TMEM132B: variants seen among roughly 807,000 people sequenced by gnomAD.
TMEM132B encodes the protein transmembrane protein 132B.
TMEM132B carries 18 observed loss-of-function variants against 90.8 expected under a neutral mutation model. The ratio of observed to expected loss-of-function variants is 0.20; its 90% CI spans 0.14 to 0.29. TMEM132B has a LOEUF of 0.29. Among genes scored for constraint, TMEM132B ranks in the 10% least tolerant of loss-of-function variants. The probability of loss-of-function intolerance (pLI) is 1.00; values close to 1 mark genes in which losing one functional copy is unlikely to be tolerated. For synonymous variants in TMEM132B, 504 were observed against 523.3 expected (o/e 0.96, Z 0.50); for missense variants, 1,096 against 1,326.8 (o/e 0.83, Z 2.70).
chr12:125,303,077 C>T (rs1014131808), intron 1 of TMEM132B, among the ~76,000 whole-genome samples: 3 of 151,834 alleles, frequency 2.0e-5, no homozygotes, highest in Non-Finnish European at 4.4e-5. Context: ...AGCCTGGGGA[C>T]AGAGCGAGAC....
intron 1 of TMEM132B, among the ~76,000 whole-genome samples, chr12:125,288,462 CAAA>C (rs11423298): frequency 1.9e-5 from 2 of 102,948 alleles, no homozygotes; most frequent in Non-Finnish European, 1.9e-5. Context: ...GACTCCATCT[CAAA>C]AAAAAAAAAA....
intron 1 of TMEM132B, among the ~76,000 whole-genome samples, chr12:125,218,538 G>A (rs1325963092): frequency 6.6e-6 from 1 of 152,088 alleles, no homozygotes; most frequent in Non-Finnish European, 1.5e-5. Flanking sequence ...GGGTAGGAGG[G>A]AAGAAACCCC....
rs894423734 is a variant in TMEM132B at position 125,625,234 on chromosome 12, G to A, written c.1438-18842G>A. Among the ~76,000 whole-genome samples, 6 of 145,652 alleles carry A rather than the reference G, an allele frequency of 4.1e-5. No individual in the cohort carries two copies. In the East Asian group the frequency reaches 1.1e-3, roughly 26 times the overall value. On this transcript the variant is annotated intron_variant, in intron 5 of 8. Transcript: ENST00000682704. ...TGCAAGCTCTGCCTCCCGGGTTCACGCCATTCTCCTGCCTCAGCTTCCTGA... is the reference window on the plus strand; with the variant it reads ...TGCAAGCTCTGCCTCCCGGGTTCACACCATTCTCCTGCCTCAGCTTCCTGA...
rs546589513 is a variant in TMEM132B at position 125,186,431 on chromosome 12, AGGCGGCGGCGGC to A, written c.-358_-347del. On this transcript the variant is annotated 5_prime_UTR_variant, in exon 1 of 9. Coordinates refer to ENST00000682704, the MANE Select transcript of TMEM132B (RefSeq NM_001366854.1). This position sits in a 1 kb window ranked among gnomAD's most constrained non-coding sequence, Gnocchi z 6.3. ...GGCGGCCGGCAGATGGCGATGGCAGAGGCGGCGGCGGCGGCGGCGGCGCGACCGGGATGGGAC... is the reference window on the plus strand; with the variant it reads ...GGCGGCCGGCAGATGGCGATGGCAGAGGCGGCGGCGCGACCGGGATGGGAC... 6.9e-6 allele frequency among the ~76,000 whole-genome samples: 1 copy of A among 144,422 alleles called. No individual in the cohort carries two copies. The highest frequency in any genetic ancestry group is 6.8e-5 in the Admixed American group (1 of 14,628). 94.7% of individuals were successfully genotyped at this position (144,422 alleles called of 152,430 possible). A position where few individuals can be genotyped will look rare whatever the true frequency, so the allele number is the denominator to read the frequency against.
intron 3 of TMEM132B, among the ~76,000 whole-genome samples, chr12:125,476,679 C>T (rs562007104): frequency 6.6e-6 from 1 of 152,244 alleles, no homozygotes; most frequent in African/African-American, 2.4e-5. Context: ...GGGGAGAGTA[C>T]AAACCTAGGC....
At chr12:125,486,018 A>G (rs1198101966) in intron 3 of TMEM132B, among the ~76,000 whole-genome samples, 1 of 152,106 alleles carries the variant, frequency 6.6e-6, no homozygotes, top group African/African-American at 2.4e-5. Flanking sequence ...CTCTCTCTGT[A>G]TGTGTGTGTG....
At chr12:125,608,013 C>A (rs559762484) in intron 5 of TMEM132B, among the ~76,000 whole-genome samples, 4 of 152,254 alleles carry the variant, frequency 2.6e-5, no homozygotes, top group Non-Finnish European at 5.9e-5. Context: ...GGGTTGATTT[C>A]ACTTTTTGAG....
intron 1 of TMEM132B, among the ~76,000 whole-genome samples, chr12:125,193,798 C>T (rs1872856413): frequency 6.6e-6 from 1 of 152,210 alleles, no homozygotes; most frequent in Admixed American, 6.5e-5. Flanking sequence ...AGAGACAAAT[C>T]CCACACTCTG....
chr12:125,215,821 C>T (rs138115376), intron 1 of TMEM132B, among the ~76,000 whole-genome samples: 124 of 152,342 alleles, frequency 8.1e-4, no homozygotes, highest in Middle Eastern at 6.8e-3. Context: ...GTATTACAGG[C>T]GTGAGCCACT....
chr12:125,517,444 G>A (rs955834129), intron 3 of TMEM132B, among the ~76,000 whole-genome samples: 2 of 147,420 alleles, frequency 1.4e-5, no homozygotes, highest in African/African-American at 2.5e-5. Flanking sequence ...CACCCGCCTC[G>A]GCCTCCCAAA....
At chr12:125,243,150 T>A (rs1489135686) in intron 1 of TMEM132B, among the ~76,000 whole-genome samples, 2 of 129,022 alleles carry the variant, frequency 1.6e-5, no homozygotes, top group Non-Finnish European at 3.1e-5. Flanking sequence ...TATATATATA[T>A]AATTTTTTTT....
At chr12:125,450,011 C>T (rs12298678) in intron 3 of TMEM132B, among the ~76,000 whole-genome samples, 66,723 of 151,932 alleles carry the variant, frequency 0.44, 15,834 homozygotes, top group African/African-American at 0.61. Context: ...TGTGTATTCA[C>T]ATTTGTACCT....
At chr12:125,513,261 C>T (rs1047487531) in intron 3 of TMEM132B, among the ~76,000 whole-genome samples, 1 of 152,222 alleles carries the variant, frequency 6.6e-6, no homozygotes, top group Non-Finnish European at 1.5e-5. Flanking sequence ...TCCTATGTCC[C>T]AGACAGCCTT....
rs60088908 is a variant in TMEM132B at position 125,640,929 on chromosome 12, GACAC to G, written c.1438-3123_1438-3120del. Among the ~76,000 whole-genome samples the G allele has an allele frequency of 1.5e-3, 225 of 149,426 alleles. 1 individual carries two copies. Among genetic ancestry groups the G allele is most frequent in the African/African-American group, 4.3e-3 (173 of 40,662 alleles). On this transcript the variant is annotated intron_variant, in intron 5 of 8. Transcript: ENST00000682704. ...TGAACCTTTGCTTGTAGGAGAAATAGACACACACACACACACACACACACACATT... is the reference window on the plus strand; with the variant it reads ...TGAACCTTTGCTTGTAGGAGAAATAGACACACACACACACACACACACATT...
At chr12:125,590,226 A>G (rs1358731987) in intron 5 of TMEM132B, among the ~76,000 whole-genome samples, 1 of 152,108 alleles carries the variant, frequency 6.6e-6, no homozygotes, top group Non-Finnish European at 1.5e-5. Flanking sequence ...GGATTTCCTT[A>G]TTGCAATGCA....
chr12:125,524,015 A>G (rs1010052564), intron 4 of TMEM132B, among the ~76,000 whole-genome samples: 2 of 152,110 alleles, frequency 1.3e-5, no homozygotes, highest in African/African-American at 2.4e-5. Flanking sequence ...TCTGGTCACA[A>G]TTTCACATCA....
chr12:125,326,557 G>A, intron 1 of TMEM132B: 1 of 1,436,802 alleles, frequency 7.0e-7, no homozygotes. Flanking sequence ...TGGGAATTAG[G>A]AACTGGGGGG....
chr12:125,612,566 A>T (rs1028017472), intron 5 of TMEM132B, among the ~76,000 whole-genome samples: 4 of 145,004 alleles, frequency 2.8e-5, no homozygotes, highest in African/African-American at 1.0e-4. Flanking sequence ...TATATATATA[A>T]TATATATAAA....
At chr12:125,236,307 A>C (rs911476207) in intron 1 of TMEM132B, among the ~76,000 whole-genome samples, 2 of 151,254 alleles carry the variant, frequency 1.3e-5, no homozygotes, top group African/African-American at 4.9e-5. Flanking sequence ...CACCACGCCC[A>C]GCTATTTTTT....
Sources: allele counts gnomAD v4.1 joint callset (sites outside exome capture counted in the v4.1 genomes callset), GRCh38; gene constraint gnomAD v4.1.1; non-coding constraint Gnocchi (gnomAD v3.1); transcripts MANE v1.5; gene names NCBI Gene and HGNC (gene_info 2026-07-23, HGNC 2026-07-21).